Variants in BARD1 observed in about 807,000 individuals in gnomAD.
BARD1 encodes the protein BRCA1-associated RING domain protein 1.
Under a neutral mutation model 77.0 loss-of-function variants are expected in BARD1, and 73 were observed. The ratio of observed to expected loss-of-function variants is 0.95; its 90% CI spans 0.79 to 1.15. BARD1 has a LOEUF of 1.15. Among genes scored for constraint, BARD1 ranks in the 50% most tolerant of loss-of-function variants. The pLI is 0.00. For missense variants in BARD1, 993 were observed against 938.8 expected (o/e 1.06, Z -0.75); for synonymous variants, 384 against 338.0 (o/e 1.14, Z -1.49).
chr2:214,732,681 C>A (rs554524822), intron 9 of BARD1, among the ~76,000 whole-genome samples: 2 of 152,268 alleles, frequency 1.3e-5, no homozygotes, highest in African/African-American at 4.8e-5. Context: ...AGGCGTGAAC[C>A]ACCACACCTT....
At chr2:214,733,922 A>G (rs745625189) in intron 9 of BARD1, among the ~76,000 whole-genome samples, 16 of 152,204 alleles carry the variant, frequency 1.1e-4, no homozygotes, top group Non-Finnish European at 1.9e-4. Flanking sequence ...AAAGGTTAAT[A>G]GCTTATACAT....
At chr2:214,791,281 C>G (rs1337191719) in intron 3 of BARD1, among the ~76,000 whole-genome samples, 1 of 152,270 alleles carries the variant, frequency 6.6e-6, no homozygotes, top group East Asian at 1.9e-4. Flanking sequence ...TGGTAAGACT[C>G]AAAGTTTTTG....
chr2:214,776,631 T>C (rs1160615397), intron 4 of BARD1, among the ~76,000 whole-genome samples: 2 of 152,124 alleles, frequency 1.3e-5, no homozygotes, highest in Non-Finnish European at 2.9e-5. Flanking sequence ...CTGCAGGAAA[T>C]ACAAAGGGAA....
At chr2:214,782,112 G>A (rs780052267) in intron 3 of BARD1, among the ~76,000 whole-genome samples, 6 of 152,144 alleles carry the variant, frequency 3.9e-5, no homozygotes, top group Non-Finnish European at 7.4e-5. Flanking sequence ...ACGTATCTCT[G>A]ACAAAATGAA....
At chr2:214,803,926 T>TA (rs1186205491) in intron 1 of BARD1, among the ~76,000 whole-genome samples, 1 of 152,174 alleles carries the variant, frequency 6.6e-6, no homozygotes, top group Non-Finnish European at 1.5e-5. Context: ...TTCTTACTGA[T>TA]ACAAAATTTT....
intron 9 of BARD1, among the ~76,000 whole-genome samples, chr2:214,734,808 G>GAA (rs1332196076): frequency 5.3e-5 from 8 of 152,226 alleles, no homozygotes; most frequent in African/African-American, 1.7e-4. Context: ...TTTGTTCTAA[G>GAA]AAAAGATCCT....
chr2:214,768,006 G>A (rs567888178), intron 5 of BARD1, among the ~76,000 whole-genome samples: 10 of 152,222 alleles, frequency 6.6e-5, no homozygotes, highest in African/African-American at 2.2e-4. Flanking sequence ...TTAATAACAA[G>A]ATGATACATA....
chr2:214,751,514 C>T (rs1010107849), intron 7 of BARD1, among the ~76,000 whole-genome samples: 3 of 151,842 alleles, frequency 2.0e-5, no homozygotes, highest in African/African-American at 7.3e-5. Flanking sequence ...TACTTTGATT[C>T]TACTGTATAT....
At chr2:214,754,806 C>G (rs984032067) in intron 6 of BARD1, among the ~76,000 whole-genome samples, 3 of 152,146 alleles carry the variant, frequency 2.0e-5, no homozygotes, top group Non-Finnish European at 4.4e-5. Flanking sequence ...AACTGAATGG[C>G]ACATTACAAG....
intron 9 of BARD1, among the ~76,000 whole-genome samples, chr2:214,732,209 A>G (rs1228298949): frequency 6.6e-6 from 1 of 152,216 alleles, no homozygotes; most frequent in Non-Finnish European, 1.5e-5. Context: ...ATTCCAACAC[A>G]GGAGCAGAAC....
At position 214,767,623 on chromosome 2, in the gene BARD1, A is replaced by AC; in HGVS notation, c.1426dup (p.Val476GlyfsTer9). The AC allele has an allele frequency of 6.2e-7, 1 of 1,614,024 alleles. No individual in the cohort carries two copies. The highest frequency in any genetic ancestry group is 8.5e-7 in the Non-Finnish European group (1 of 1,179,946). On this transcript the variant is annotated frameshift_variant, in exon 6 of 11. Coordinates refer to ENST00000260947, the MANE Select transcript of BARD1 (RefSeq NM_000465.4). LOFTEE classifies it high-confidence loss of function. ...CTTATGCTGGAGCAATAATTCCACT[A>AC]CCTTCAGGTGCCCATGATTGCAAGC...
chr2:214,808,699 GCAA>G (rs1696397434), intron 1 of BARD1, among the ~76,000 whole-genome samples: 1 of 97,696 alleles, frequency 1.0e-5, no homozygotes, highest in Non-Finnish European at 2.4e-5. Context: ...ACGAAAAAAA[GCAA>G]GAAGTAACAC....
chr2:214,786,611 A>G (rs1695287973), intron 3 of BARD1, among the ~76,000 whole-genome samples: 1 of 151,986 alleles, frequency 6.6e-6, no homozygotes, highest in African/African-American at 2.4e-5. Context: ...AACTCTAGAA[A>G]TTTCAGACAT....
intron 4 of BARD1, among the ~76,000 whole-genome samples, chr2:214,776,596 C>A (rs1694747373): frequency 6.6e-6 from 1 of 152,166 alleles, no homozygotes; most frequent in Non-Finnish European, 1.5e-5. Flanking sequence ...GGTCAGATTA[C>A]TCTGGCTGTT....
intron 3 of BARD1, among the ~76,000 whole-genome samples, chr2:214,790,298 C>G (rs1288312385): frequency 1.3e-5 from 2 of 152,066 alleles, no homozygotes; most frequent in Non-Finnish European, 2.9e-5. Context: ...TCCTAACCCC[C>G]CAGTAACTTA....
intron 9 of BARD1, among the ~76,000 whole-genome samples, chr2:214,743,816 G>A (rs550458475): frequency 2.6e-5 from 4 of 152,080 alleles, no homozygotes; most frequent in Admixed American, 1.3e-4. Flanking sequence ...TGCCTCGGTC[G>A]CCCAAAGTGC....
At chr2:214,795,269 A>C (rs749761743) in intron 2 of BARD1, among the ~76,000 whole-genome samples, 1 of 152,186 alleles carries the variant, frequency 6.6e-6, no homozygotes, top group Non-Finnish European at 1.5e-5. Flanking sequence ...GCATAAGTAC[A>C]TTTCACGTGG....
intron 5 of BARD1, 137 bp from the exon 6 acceptor site, chr2:214,767,791 T>A: frequency 1.3e-6 from 1 of 757,620 alleles, no homozygotes; most frequent in African/African-American, 1.8e-5. Flanking sequence ...TCAAAAACAC[T>A]ATAAGTTGCT....
At chr2:214,737,363 T>C (rs1158269344) in intron 9 of BARD1, among the ~76,000 whole-genome samples, 1 of 152,138 alleles carries the variant, frequency 6.6e-6, no homozygotes, top group Non-Finnish European at 1.5e-5. Context: ...CCAAGAGATT[T>C]AAGTGGCTTT....
Sources: gnomAD v4.1 joint callset for allele counts (sites outside exome capture counted in the v4.1 genomes callset) on GRCh38, gnomAD v4.1.1 for gene constraint, MANE v1.5 for transcripts, NCBI Gene and HGNC (gene_info 2026-07-23, HGNC 2026-07-21) for gene names.